KSR2: variants seen among roughly 807,000 people sequenced by gnomAD.
The protein encoded by KSR2 is kinase suppressor of ras 2.
In KSR2, 25 loss-of-function variants were observed where a neutral mutation model predicts 107.8. The ratio of observed to expected loss-of-function variants is 0.23; its 90% CI spans 0.17 to 0.32. The LOEUF (loss-of-function observed/expected upper bound fraction) is 0.32. Among genes scored for constraint, KSR2 ranks in the 10% least tolerant of loss-of-function variants. The pLI, the probability that KSR2 is intolerant of heterozygous loss-of-function variation, is 1.00. For synonymous variants in KSR2, 480 were observed against 507.0 expected (o/e 0.95, Z 0.71); for missense variants, 887 against 1,268.9 (o/e 0.70, Z 4.57).
chr12:117,460,015 T>C lies in KSR2; in HGVS notation c.*7184A>G, dbSNP rs1870812514. 1 of 152,206 alleles carries C rather than the reference T, an allele frequency of 6.6e-6. No individual in the cohort carries two copies. Among genetic ancestry groups the C allele is most frequent in the African/African-American group, 2.4e-5 (1 of 41,450 alleles). The allele number at this position is 152,206 out of a possible 1,614,324, so 9.4% of individuals were successfully genotyped here. On this transcript the variant is annotated 3_prime_UTR_variant, in exon 20 of 20. Coordinates refer to ENST00000339824, the MANE Select transcript of KSR2 (RefSeq NM_173598.6). The stretch of plus-strand genomic sequence containing the variant: ...TTAGAGATTCAACCACACAATAGTG[T>C]CTTAAAAGTTCTGATAAGTCCTGCA...
intron 4 of KSR2, chr12:117,674,458 C>T (rs1885040064): frequency 2.2e-6 from 1 of 451,576 alleles, no homozygotes; most frequent in Non-Finnish European, 4.5e-6. Context: ...CTATCTAGTT[C>T]CAAATGCTCA....
intron 5 of KSR2, among the ~76,000 whole-genome samples, chr12:117,638,321 T>C (rs1056412104): frequency 6.6e-6 from 1 of 152,148 alleles, no homozygotes; most frequent in African/African-American, 2.4e-5. Context: ...AGATCAACAA[T>C]GAACAACACG....
intron 19 of KSR2, chr12:117,467,831 T>TAA (rs36058871): frequency 0.048 from 17,062 of 358,000 alleles, no homozygotes; most frequent in South Asian, 0.079. Context: ...ATAGGCTGAA[T>TAA]AAAAAAAAAA....
At chr12:117,964,835 T>A (rs1201515135) in intron 1 of KSR2, among the ~76,000 whole-genome samples, 3 of 152,218 alleles carry the variant, frequency 2.0e-5, no homozygotes, top group Non-Finnish European at 4.4e-5. Context: ...TACAACTATA[T>A]CAGTCTGACT....
chr12:117,577,765 C>T (rs816197), intron 7 of KSR2, among the ~76,000 whole-genome samples: 2,628 of 152,154 alleles, frequency 0.017, 68 homozygotes, highest in African/African-American at 0.059. Context: ...ACCACCCCCA[C>T]GATTCAATTA....
At chr12:117,930,219 A>G (rs2137494694) in intron 1 of KSR2, among the ~76,000 whole-genome samples, 1 of 152,184 alleles carries the variant, frequency 6.6e-6, no homozygotes, top group East Asian at 1.9e-4. Context: ...TTTTTAGCAG[A>G]GAAGGGTTTT....
At chr12:117,693,830 A>G (rs901452053) in intron 4 of KSR2, among the ~76,000 whole-genome samples, 1 of 152,166 alleles carries the variant, frequency 6.6e-6, no homozygotes, top group East Asian at 1.9e-4. Context: ...AGACTCATTT[A>G]TCAAGTTGTC....
At chr12:117,698,421 T>C (rs953378857) in intron 4 of KSR2, among the ~76,000 whole-genome samples, 2 of 151,928 alleles carry the variant, frequency 1.3e-5, no homozygotes, top group East Asian at 3.9e-4. Context: ...GCTCAAGTGA[T>C]CCTCCCACCT....
At chr12:117,838,178 G>C (rs576482730) in intron 3 of KSR2, among the ~76,000 whole-genome samples, 7 of 152,288 alleles carry the variant, frequency 4.6e-5, no homozygotes, top group Admixed American at 1.3e-4. Flanking sequence ...GTTTTGGGTT[G>C]GGTTTTTGAG....
intron 14 of KSR2, among the ~76,000 whole-genome samples, chr12:117,505,719 C>G (rs759121401): frequency 1.2e-4 from 19 of 152,342 alleles, no homozygotes; most frequent in Admixed American, 5.2e-4. Context: ...CCAGTTGGCA[C>G]CATTTGCTCC....
intron 3 of KSR2, among the ~76,000 whole-genome samples, chr12:117,800,925 T>G (rs539139699): frequency 6.6e-6 from 1 of 152,182 alleles, no homozygotes; most frequent in Non-Finnish European, 1.5e-5. Context: ...GCAAAGGACA[T>G]GAACTCATTT....
At chr12:117,672,614 C>T (rs763343139) in intron 4 of KSR2, among the ~76,000 whole-genome samples, 5 of 151,962 alleles carry the variant, frequency 3.3e-5, no homozygotes, top group Non-Finnish European at 7.4e-5. Flanking sequence ...AATTTTCACC[C>T]GAAATATCCA....
chr12:117,495,358 C>A (rs1872964126), intron 14 of KSR2, among the ~76,000 whole-genome samples: 2 of 152,318 alleles, frequency 1.3e-5, no homozygotes, highest in South Asian at 4.1e-4. Context: ...AACCTTGGGA[C>A]TCTGGGGCTT....
intron 3 of KSR2, among the ~76,000 whole-genome samples, chr12:117,762,451 C>T (rs1452397534): frequency 6.6e-6 from 1 of 152,182 alleles, no homozygotes. Flanking sequence ...ACAGATGAGA[C>T]CCTGGTCCCC....
At chr12:117,962,147 TAAAAAAAA>T (rs36119176) in intron 1 of KSR2, among the ~76,000 whole-genome samples, 1 of 112,452 alleles carries the variant, frequency 8.9e-6, no homozygotes, top group African/African-American at 3.3e-5. Flanking sequence ...CCTGTCTCTT[TAAAAAAAA>T]AAAAAAAAAA....
At chr12:117,518,264 G>A (rs1339121096) in intron 14 of KSR2, among the ~76,000 whole-genome samples, 1 of 152,148 alleles carries the variant, frequency 6.6e-6, no homozygotes, top group Non-Finnish European at 1.5e-5. Flanking sequence ...ATCCTGGGGG[G>A]CATGGGGAAA....
chr12:117,807,385 C>T (rs928347667), intron 3 of KSR2, among the ~76,000 whole-genome samples: 32 of 152,114 alleles, frequency 2.1e-4, no homozygotes, highest in Admixed American at 7.2e-4. Flanking sequence ...CTGTCACTTT[C>T]GAAGGTTTCC....
At position 117,456,657 on chromosome 12, in the gene KSR2, T is replaced by G. The variant is rs1870640291; in HGVS notation, c.*10542A>C. Reference sequence around the variant, plus strand: ...CAAAGCAATTTTCCAAGATCTGGTCTTTTGCAGTGCCCGACTCGTCCTCTC... The same window carrying G: ...CAAAGCAATTTTCCAAGATCTGGTCGTTTGCAGTGCCCGACTCGTCCTCTC... On this transcript the variant is annotated 3_prime_UTR_variant, in exon 20 of 20. Coordinates refer to ENST00000339824, the MANE Select transcript of KSR2 (RefSeq NM_173598.6). 6.6e-6 allele frequency: 1 copy of G among 152,256 alleles called. No homozygotes were observed. Among genetic ancestry groups the G allele is most frequent in the Non-Finnish European group, 1.5e-5 (1 of 68,084 alleles). The allele number at this position is 152,256 out of a possible 1,614,324, so 9.4% of individuals were successfully genotyped here. A position where few individuals can be genotyped will look rare whatever the true frequency, so the allele number is the denominator to read the frequency against.
chr12:117,734,305 G>A (rs1378661347), intron 4 of KSR2, among the ~76,000 whole-genome samples: 193 of 145,964 alleles, frequency 1.3e-3, no homozygotes, highest in Middle Eastern at 3.7e-3. Context: ...AAAAAAGAGA[G>A]AAACTACACG....
Sources: allele counts gnomAD v4.1 joint callset (sites outside exome capture counted in the v4.1 genomes callset), GRCh38; gene constraint gnomAD v4.1.1; transcripts MANE v1.5; gene names NCBI Gene and HGNC (gene_info 2026-07-23, HGNC 2026-07-21).